GLI3: variants seen among roughly 807,000 people sequenced by gnomAD.
GLI3 encodes the protein transcription activator GLI3.
Under a neutral mutation model 100.8 loss-of-function variants are expected in GLI3, and 20 were observed. The observed-to-expected ratio is 0.20, with a 90% CI of 0.14 to 0.29. The LOEUF is 0.29. Ranked by LOEUF, GLI3 falls within the 10% of genes least tolerant of loss-of-function variation. The pLI, the probability that GLI3 is intolerant of heterozygous loss-of-function variation, is 1.00. For missense variants in GLI3, 2,040 were observed against 2,128.5 expected, an observed-to-expected ratio of 0.96 and a Z score of 0.82; for synonymous variants, 938 against 860.5, an observed-to-expected ratio of 1.09 and a Z score of -1.58.
chr7:42,109,122 G>A (rs978067121), intron 3 of GLI3, among the ~76,000 whole-genome samples: 1 of 152,164 alleles, frequency 6.6e-6, no homozygotes, highest in Non-Finnish European at 1.5e-5. Context: ...TTTTCTATGC[G>A]ATAGCTCTTT....
intron 2 of GLI3, chr7:42,149,887 T>C (rs1033849569): frequency 6.6e-6 from 1 of 152,240 alleles, no homozygotes; most frequent in Non-Finnish European, 1.5e-5. Flanking sequence ...AACACAGACT[T>C]GCATAAAAAT....
intron 2 of GLI3, among the ~76,000 whole-genome samples, chr7:42,180,635 G>A (rs1306995978): frequency 3.3e-5 from 5 of 152,196 alleles, no homozygotes; most frequent in African/African-American, 7.2e-5. Flanking sequence ...CAAACAGTTC[G>A]AACAGCTCAT....
rs779320374 is a variant in GLI3, at chr7:42,182,666, A to ACGTGTGTG, written c.125-34199_125-34198insCACACACG. 7.1e-4 allele frequency among the ~76,000 whole-genome samples: 56 copies of ACGTGTGTG among 79,118 alleles called. 1 individual carries two copies. The highest frequency in any genetic ancestry group is 1.4e-3 in the Admixed American group (12 of 8,478). The allele number at this position is 79,118 out of a possible 152,430, so 51.9% of individuals were successfully genotyped here. On this transcript the variant is annotated intron_variant, in intron 2 of 14. Transcript: ENST00000395925. ...TGTGTATATATATATATATATATAT[A>ACGTGTGTG]TATATATATATATATACACATGTGT...
intron 2 of GLI3, among the ~76,000 whole-genome samples, chr7:42,192,365 C>T (rs952679809): frequency 6.6e-6 from 1 of 152,172 alleles, no homozygotes; most frequent in Admixed American, 6.5e-5. Context: ...CCATCAGCTT[C>T]CTAACAGAGT....
chr7:42,109,268 A>G (rs938538752), intron 3 of GLI3, among the ~76,000 whole-genome samples: 1 of 152,222 alleles, frequency 6.6e-6, no homozygotes, highest in Non-Finnish European at 1.5e-5. Flanking sequence ...TCTGCGGTTC[A>G]TCACAGTCAC....
chr7:42,198,738 T>G (rs952136057), intron 2 of GLI3, among the ~76,000 whole-genome samples: 3 of 151,812 alleles, frequency 2.0e-5, no homozygotes, highest in Non-Finnish European at 4.4e-5. Context: ...GCAACTTTGA[T>G]ACCTCCTTGA....
In GLI3 at chr7:42,223,192, A is replaced by G. The variant is rs749763645; in HGVS notation, c.62T>C (p.Val21Ala). The change falls in exon 2 of 15, where the codon GTG becomes GCG. Residue 21 changes from valine (V) to alanine (A), a missense_variant. This residue lies in a region of GLI3 where 603 missense variants were observed against 690.9 expected (regional missense o/e 0.87). Coordinates refer to ENST00000395925, the MANE Select transcript of GLI3 (RefSeq NM_000168.6). Reference protein sequence around the residue: ...TEKKKVENSIVKCSTRTDVSE... With the variant: ...TEKKKVENSIAKCSTRTDVSE... ...CACATCTGTTCGAGTGGAGCACTTC[A>G]CTATGGAATTCTCAACTTTTTTCTT... The G allele has an allele frequency of 1.2e-6, 2 of 1,613,922 alleles. No individual in the cohort carries two copies. Among genetic ancestry groups the G allele is most frequent in the East Asian group, 4.5e-5 (2 of 44,878 alleles).
chr7:42,178,171 A>G (rs1218337058), intron 2 of GLI3, among the ~76,000 whole-genome samples: 1 of 152,232 alleles, frequency 6.6e-6, no homozygotes, highest in African/African-American at 2.4e-5. Context: ...AAATGTCCAC[A>G]CACTCAACTG....
intron 3 of GLI3, among the ~76,000 whole-genome samples, chr7:42,111,174 C>T (rs1785697408): frequency 6.6e-6 from 1 of 152,220 alleles, no homozygotes; most frequent in Non-Finnish European, 1.5e-5. Flanking sequence ...CTTATCCACA[C>T]TAAGTTTTGC....
At chr7:42,058,982 T>C (rs961037163) in intron 4 of GLI3, among the ~76,000 whole-genome samples, 1 of 152,226 alleles carries the variant, frequency 6.6e-6, no homozygotes, top group African/African-American at 2.4e-5. Context: ...TTAATGAACA[T>C]ACTGCTGGTT....
intron 10 of GLI3, among the ~76,000 whole-genome samples, chr7:41,995,512 G>A (rs1210958827): frequency 2.0e-5 from 3 of 152,064 alleles, no homozygotes; most frequent in African/African-American, 7.2e-5. Flanking sequence ...TTACCTAATA[G>A]TGCACCATGA....
upstream of GLI3, among the ~76,000 whole-genome samples, chr7:42,238,079 A>T (rs1248052296): frequency 7.3e-6 from 1 of 137,122 alleles, no homozygotes; most frequent in East Asian, 2.2e-4. Context: ...AGACACATTC[A>T]TGCCTGCTCC....
chr7:42,083,388 A>T (rs1785036713), intron 3 of GLI3, among the ~76,000 whole-genome samples: 1 of 152,256 alleles, frequency 6.6e-6, no homozygotes, highest in African/African-American at 2.4e-5. Flanking sequence ...TTTACATCTG[A>T]ATAGTACTCC....
intron 1 of GLI3, among the ~76,000 whole-genome samples, chr7:42,224,140 C>G (rs760478455): frequency 1.1e-4 from 17 of 152,120 alleles, no homozygotes; most frequent in Non-Finnish European, 7.4e-5. Flanking sequence ...GGTTCATGTT[C>G]CTTTTTGCAG....
chr7:41,970,287 T>A (rs1234630233), intron 13 of GLI3, among the ~76,000 whole-genome samples: 1 of 152,110 alleles, frequency 6.6e-6, no homozygotes, highest in Non-Finnish European at 1.5e-5. Flanking sequence ...AAAGACATGT[T>A]TTTTAAAGAA....
chr7:42,161,799 C>T (rs1787135894), intron 2 of GLI3, among the ~76,000 whole-genome samples: 1 of 152,168 alleles, frequency 6.6e-6, no homozygotes. Flanking sequence ...GTTCCTCTTC[C>T]CACATAATTG....
chr7:42,004,883 T>A (rs939262793), intron 10 of GLI3, among the ~76,000 whole-genome samples: 2 of 152,246 alleles, frequency 1.3e-5, no homozygotes, highest in Non-Finnish European at 2.9e-5. Context: ...CAAATCATTC[T>A]AAAATTCATC....
chr7:42,150,018 A>C (rs1446297147), intron 2 of GLI3: 1 of 152,238 alleles, frequency 6.6e-6, no homozygotes, highest in Non-Finnish European at 1.5e-5. Flanking sequence ...TATATTCCTT[A>C]CCTTAGCAAA....
At chr7:42,128,642 T>C (rs776798599) in intron 3 of GLI3, among the ~76,000 whole-genome samples, 12 of 152,110 alleles carry the variant, frequency 7.9e-5, no homozygotes, top group Non-Finnish European at 1.5e-4. Context: ...TAAAGAAGGA[T>C]TCAGCAGCAT....
Sources: allele counts gnomAD v4.1 joint callset (sites outside exome capture counted in the v4.1 genomes callset), GRCh38; gene constraint gnomAD v4.1.1; regional missense constraint gnomAD v4.1.1; transcripts MANE v1.5; gene names NCBI Gene and HGNC (gene_info 2026-07-23, HGNC 2026-07-21).